The following AP1S1 variants were observed in gnomAD, a reference collection of about 807,000 sequenced individuals.
The protein encoded by AP1S1 is adaptor related protein complex 1 subunit sigma 1.
AP1S1 carries 13 observed loss-of-function variants against 23.9 expected under a neutral mutation model. That is an observed-to-expected ratio of 0.54 (90% confidence interval 0.35 to 0.86). AP1S1 has a LOEUF of 0.86. AP1S1 is among the 40% of genes least tolerant of loss of function. The pLI is 0.01. For missense variants in AP1S1, 119 were observed against 197.6 expected, an observed-to-expected ratio of 0.60 and a Z score of 2.38; for synonymous variants, 84 against 77.7, an observed-to-expected ratio of 1.08 and a Z score of -0.43.
At chr7:101,154,539 G>A (rs745441065) in intron 1 of AP1S1, 22 bp downstream of exon 1, 25 of 1,565,424 alleles carry the variant, frequency 1.6e-5, no homozygotes, top group Non-Finnish European at 1.7e-6. Context: ...GAAGAGGGAG[G>A]GGAGGGGGAA....
At chr7:101,156,479 C>A in intron 1 of AP1S1, 115 bp from the exon 2 acceptor site, 1 of 1,272,728 alleles carries the variant, frequency 7.9e-7, no homozygotes, top group Non-Finnish European at 1.1e-6. Context: ...CTGGTGGAAA[C>A]ACCCAGCCTT....
At chr7:101,157,233 A>C (rs940367033) in intron 2 of AP1S1, 144 bp from the exon 3 acceptor site, 1 of 599,550 alleles carries the variant, frequency 1.7e-6, no homozygotes, top group Admixed American at 2.9e-5. Context: ...GAGGCAGGTG[A>C]GTTACTCTTT....
At chr7:101,158,561 C>G (rs1474951211) in intron 3 of AP1S1, among the ~76,000 whole-genome samples, 1 of 152,090 alleles carries the variant, frequency 6.6e-6, no homozygotes, top group Non-Finnish European at 1.5e-5. Flanking sequence ...GATAAGGCAA[C>G]TAATGTTTCA....
chr7:101,156,718 A>T lies in AP1S1; in HGVS notation c.128A>T (p.Lys43Met). ...CTCATGCAGGTTGTCCTGGCTCGAA[A>T]GCCCAAGATGTGCAGCTTCCTGGAG... Reference protein sequence around the residue: ...RELMQVVLARKPKMCSFLEWR... With the variant: ...RELMQVVLARMPKMCSFLEWR... Residue 43 changes from lysine to methionine, a missense_variant, in exon 2 of 5, where the codon AAG (lysine) becomes ATG (methionine). Physicochemically the swap from Lys to Met is moderately conservative, Grantham distance 95. Coordinates refer to ENST00000337619, the MANE Select transcript of AP1S1 (RefSeq NM_001283.5). The T allele has an allele frequency of 6.2e-7, 1 of 1,605,186 alleles. No homozygotes were observed. Among genetic ancestry groups the T allele is most frequent in the Non-Finnish European group, 8.5e-7 (1 of 1,175,518 alleles).
chr7:101,159,328 AC>A, intron 4 of AP1S1, 132 bp downstream of exon 4: 1 of 1,297,762 alleles, frequency 7.7e-7, no homozygotes, highest in South Asian at 1.4e-5. Flanking sequence ...TCTGACCCCC[AC>A]CACGCCCAGC....
At chr7:101,160,488 CTG>C (rs754729031) in intron 4 of AP1S1, 29 bp from the exon 5 acceptor site, 105 of 1,608,958 alleles carry the variant, frequency 6.5e-5, no homozygotes, top group Middle Eastern at 1.6e-4. Context: ...CCTGGTGTCT[CTG>C]CGTCACCCTC....
intron 1 of AP1S1, among the ~76,000 whole-genome samples, chr7:101,155,341 C>T (rs985773280): frequency 1.3e-5 from 2 of 152,218 alleles, no homozygotes. Flanking sequence ...AAGGAGAAGA[C>T]TCCAGGATGT....
At chr7:101,155,877 T>TTTAC (rs1796984322) in intron 1 of AP1S1, among the ~76,000 whole-genome samples, 1 of 152,136 alleles carries the variant, frequency 6.6e-6, no homozygotes, top group Admixed American at 6.6e-5. Context: ...TGCTAGGCAT[T>TTTAC]TTACTTACCT....
At chr7:101,156,898 G>A in intron 2 of AP1S1, 126 bp downstream of exon 2, 1 of 655,254 alleles carries the variant, frequency 1.5e-6, no homozygotes, top group Non-Finnish European at 2.2e-6. Context: ...GGACAGTAAT[G>A]AATGTCAGCT....
rs991405993 is a variant in AP1S1 at position 101,160,656 on chromosome 7, G to A, written c.*90G>A. On this transcript the variant is annotated 3_prime_UTR_variant, in exon 5 of 5. Coordinates refer to ENST00000337619, the MANE Select transcript of AP1S1 (RefSeq NM_001283.5). The stretch of plus-strand genomic sequence containing the variant: ...CTGCCCAGGGCCCTGTTCTTGGTGG[G>A]ACTCGGCTGCCCCTCCTCTGCTGCC... 1.0e-5 allele frequency: 15 copies of A among 1,485,426 alleles called. No individual in the cohort carries two copies. The highest frequency in any genetic ancestry group is 3.5e-5 in the Admixed American group (2 of 57,796). The allele number at this position is 1,485,426 out of a possible 1,614,324, so 92.0% of individuals were successfully genotyped here.
intron 1 of AP1S1, chr7:101,154,779 G>A (rs1157548952): frequency 6.6e-6 from 5 of 761,044 alleles, no homozygotes; most frequent in South Asian, 2.0e-5. Flanking sequence ...GCCGGGAGGG[G>A]CGCTCTGGTC....
intron 4 of AP1S1, 79 bp from the exon 5 acceptor site, chr7:101,160,440 T>TC: frequency 1.3e-6 from 2 of 1,534,024 alleles, no homozygotes; most frequent in Non-Finnish European, 1.8e-6. Flanking sequence ...GTCTGACTCT[T>TC]CCTCGTGACT....
intron 2 of AP1S1, 114 bp from the exon 3 acceptor site, chr7:101,157,263 C>T (rs1006840995): frequency 2.6e-5 from 20 of 773,240 alleles, no homozygotes; most frequent in South Asian, 1.0e-4. Context: ...AGGGCCACCT[C>T]ACCTGTGGCC....
Position 101,161,215 on chromosome 7 carries a change from G to C in AP1S1, c.*649G>C, listed in dbSNP as rs959787740. On this transcript the variant is annotated 3_prime_UTR_variant, in exon 5 of 5. Coordinates refer to ENST00000337619, the MANE Select transcript of AP1S1 (RefSeq NM_001283.5). ...CAGGAGCTGGGAGGGGTGGGGAGGG[G>C]GAGGGGGAAGTGTCTGCCTTTATGT... 4.9e-5 allele frequency: 9 copies of C among 185,144 alleles called. No individual in the cohort carries two copies. The highest frequency in any genetic ancestry group is 7.9e-5 in the Non-Finnish European group (7 of 88,146). 11.5% of individuals were successfully genotyped at this position (185,144 alleles called of 1,614,324 possible).
rs1329770166 is a variant in AP1S1 at position 101,159,323 on chromosome 7, C to A, written c.429+127C>A. 6 of 1,356,026 alleles carry A rather than the reference C, an allele frequency of 4.4e-6. No homozygotes were observed. In the Admixed American group the frequency reaches 7.4e-5, roughly 17 times the overall value. The allele number at this position is 1,356,026 out of a possible 1,614,324, so 84.0% of individuals were successfully genotyped here. A position where few individuals can be genotyped will look rare whatever the true frequency, so the allele number is the denominator to read the frequency against. Reference sequence around the variant, plus strand: ...AGCCCCCCCTCCCTGTGGTATCTGACCCCCACCACGCCCAGCTCTCCAGCT... The same window carrying A: ...AGCCCCCCCTCCCTGTGGTATCTGAACCCCACCACGCCCAGCTCTCCAGCT... On this transcript the variant is annotated intron_variant, in intron 4 of 4. Transcript: ENST00000337619.
chr7:101,157,427 T>A lies in AP1S1; in HGVS notation c.233T>A (p.Leu78His). ...GCCATCGAGGGCCAAGACAATGAGCTCATCACACTGGAGCTGATCCACCGA... is the reference window on the plus strand; with the variant it reads ...GCCATCGAGGGCCAAGACAATGAGCACATCACACTGGAGCTGATCCACCGA... ...CCAIEGQDNE[L>H]ITLELIHRYV... is the part of the protein sequence containing the mutation. The change falls in exon 3 of 5, where the codon CTC (leucine) becomes CAC (histidine). Residue 78 changes from leucine (L) to histidine (H), a missense_variant. Transcript: ENST00000337619. 6.3e-7 allele frequency: 1 copy of A among 1,582,954 alleles called. No individual in the cohort carries two copies. Among genetic ancestry groups the A allele is most frequent in the Non-Finnish European group, 8.6e-7 (1 of 1,164,422 alleles).
chr7:101,157,114 C>G (rs977871079), intron 2 of AP1S1, among the ~76,000 whole-genome samples: 1 of 152,062 alleles, frequency 6.6e-6, no homozygotes, highest in African/African-American at 2.4e-5. Context: ...TCCTTCTCCT[C>G]GGAGCAGGTA....
chr7:101,154,578 G>T, intron 1 of AP1S1, 61 bp downstream of exon 1: 3 of 1,539,556 alleles, frequency 1.9e-6, no homozygotes, highest in Non-Finnish European at 2.6e-6. Flanking sequence ...ACCTGCGGGG[G>T]TCCTCGGGGG....
intron 4 of AP1S1, among the ~76,000 whole-genome samples, chr7:101,160,104 G>C (rs553315453): frequency 6.6e-6 from 1 of 151,712 alleles, no homozygotes; most frequent in East Asian, 1.9e-4. Context: ...TCAGGGACCT[G>C]GCACTCACCT....
Sources: allele counts gnomAD v4.1 joint callset (sites outside exome capture counted in the v4.1 genomes callset), GRCh38; gene constraint gnomAD v4.1.1; transcripts MANE v1.5; gene names NCBI Gene and HGNC (gene_info 2026-07-23, HGNC 2026-07-21).